The following ABCG1 variants were observed in gnomAD, a reference collection of about 807,000 sequenced individuals.
ABCG1 encodes the protein ATP binding cassette subfamily G member 1.
ABCG1 carries 29 observed loss-of-function variants against 69.2 expected under a neutral mutation model. The ratio of observed to expected loss-of-function variants is 0.42; its 90% CI spans 0.31 to 0.57. The LOEUF (loss-of-function observed/expected upper bound fraction) is 0.57. Among genes scored for constraint, ABCG1 ranks in the 20% least tolerant of loss-of-function variants. The pLI is 0.15. For missense variants in ABCG1, 718 were observed against 898.1 expected, an observed-to-expected ratio of 0.80 and a Z score of 2.56; for synonymous variants, 370 against 374.8, an observed-to-expected ratio of 0.99 and a Z score of 0.15.
At chr21:42,226,276 C>T (rs920663241) in intron 2 of ABCG1, among the ~76,000 whole-genome samples, 2 of 152,074 alleles carry the variant, frequency 1.3e-5, no homozygotes, top group Non-Finnish European at 1.5e-5. Context: ...GTTTTTCAAC[C>T]GCCCAGAGCA....
chr21:42,267,975 T>G (rs1051070266), intron 2 of ABCG1, among the ~76,000 whole-genome samples: 1 of 152,146 alleles, frequency 6.6e-6, no homozygotes, highest in East Asian at 1.9e-4. Context: ...TGTTCTAGTC[T>G]GCGGCTCTGG....
At chr21:42,283,742 C>G (rs1346859779) in intron 6 of ABCG1, among the ~76,000 whole-genome samples, 1 of 88,858 alleles carries the variant, frequency 1.1e-5, no homozygotes, top group Non-Finnish European at 2.3e-5. Context: ...AGTGGGGACC[C>G]CCCACCTCTG....
At chr21:42,278,357 G>A (rs772594919) in intron 5 of ABCG1, among the ~76,000 whole-genome samples, 17 of 152,180 alleles carry the variant, frequency 1.1e-4, no homozygotes, top group African/African-American at 1.9e-4. Context: ...GAAGATGAGT[G>A]TTATGGCCTG....
chr21:42,234,503 G>A (rs1487544006), intron 2 of ABCG1, among the ~76,000 whole-genome samples: 1 of 152,136 alleles, frequency 6.6e-6, no homozygotes, highest in Non-Finnish European at 1.5e-5. Context: ...ACCTGGCTGG[G>A]GGCTGCACTG....
At chr21:42,201,585 C>A in exon 2 of ABCG1, 1 of 1,542,136 alleles carries the variant, frequency 6.5e-7, no homozygotes, top group Non-Finnish European at 8.8e-7. Context: ...AGCGCTACAC[C>A]AACCTGAACT....
At chr21:42,201,717 C>T (rs1338880680) in exon 2 of ABCG1, 1 of 1,613,962 alleles carries the variant, frequency 6.2e-7, no homozygotes, top group Non-Finnish European at 8.5e-7. Context: ...GAAAGCCCTG[C>T]CCTCAGGTGT....
intron 2 of ABCG1, among the ~76,000 whole-genome samples, chr21:42,239,426 T>C (rs1213032054): frequency 6.6e-6 from 1 of 152,256 alleles, no homozygotes; most frequent in African/African-American, 2.4e-5. Flanking sequence ...ATTCTAAATG[T>C]GAAGTGTGGC....
chr21:42,240,823 G>A (rs190858167), intron 2 of ABCG1, among the ~76,000 whole-genome samples: 1 of 152,394 alleles, frequency 6.6e-6, no homozygotes, highest in Non-Finnish European at 1.5e-5. Context: ...TAATGGTGGA[G>A]GCTGCCAGCC....
At chr21:42,235,822 C>T (rs903256568) in intron 2 of ABCG1, among the ~76,000 whole-genome samples, 2 of 152,164 alleles carry the variant, frequency 1.3e-5, no homozygotes, top group African/African-American at 4.8e-5. Context: ...TAAGGCATGT[C>T]AGACGGACCG....
Position 42,226,302 on chromosome 21 carries a change from GC to G in ABCG1, c.286+394del, listed in dbSNP as rs145974388. The stretch of plus-strand genomic sequence containing the variant: ...GCCCAGAGCAAAATGGGGGACAGGT[GC>G]CCCCCTCCCAAGCGTGAAGTGTTAA... On this transcript the variant is annotated intron_variant, in intron 2 of 14. Transcript: ENST00000398449. Among the ~76,000 whole-genome samples, 17 of 152,258 alleles carry G rather than the reference GC, an allele frequency of 1.1e-4. No homozygotes were observed. In the East Asian group the frequency reaches 3.1e-3, roughly 28 times the overall value.
intron 2 of ABCG1, among the ~76,000 whole-genome samples, chr21:42,268,461 C>T (rs2068557957): frequency 6.6e-6 from 1 of 152,056 alleles, no homozygotes. Context: ...CTGGGCCCCT[C>T]AGCCCAGGAC....
At chr21:42,204,908 TTC>T (rs2067531800) in intron 2 of ABCG1, among the ~76,000 whole-genome samples, 1 of 152,238 alleles carries the variant, frequency 6.6e-6, no homozygotes, top group Non-Finnish European at 1.5e-5. Flanking sequence ...TTTCTTCCTC[TTC>T]TGTTTTCTGG....
chr21:42,224,511 C>A (rs2067783011), intron 1 of ABCG1, among the ~76,000 whole-genome samples: 1 of 152,236 alleles, frequency 6.6e-6, no homozygotes, highest in Non-Finnish European at 1.5e-5. Flanking sequence ...AGACACCCCA[C>A]ATGCCCGGGA....
At position 42,297,025 on chromosome 21, in the gene ABCG1, C is replaced by T. The variant is rs566274252; in HGVS notation, c.*633C>T. 1.2e-4 allele frequency: 18 copies of T among 155,554 alleles called. No homozygotes were observed. The highest frequency in any genetic ancestry group is 3.6e-4 in the African/African-American group (15 of 41,520). The allele number at this position is 155,554 out of a possible 1,614,324, so 9.6% of individuals were successfully genotyped here. ...TGTTTAGAGAGGCGAGGGGTTTAAC[C>T]GAGTCACCCAGCTGGTCTCATACAT... On this transcript the variant is annotated 3_prime_UTR_variant, in exon 15 of 15. Transcript: ENST00000398449.
Position 42,271,130 on chromosome 21 carries a change from T to C in ABCG1, c.347T>C (p.Ile116Thr). The C allele has an allele frequency of 6.3e-7, 1 of 1,584,902 alleles. No individual in the cohort carries two copies. Among genetic ancestry groups the C allele is most frequent in the Non-Finnish European group, 8.6e-7 (1 of 1,167,644 alleles). ...GKFNSGELVA[I>T]MGPSGAGKST... ...TTCAATAGTGGTGAGTTGGTGGCCATTATGGGTCCTTCCGGGGCCGGGAAG... is the reference window on the plus strand; with the variant it reads ...TTCAATAGTGGTGAGTTGGTGGCCACTATGGGTCCTTCCGGGGCCGGGAAG... The change falls in exon 3 of 15, where the codon ATT becomes ACT. Residue 116 changes from isoleucine to threonine, a missense_variant. This residue lies in a region of ABCG1 where 514 missense variants were observed against 574.3 expected (regional missense o/e 0.90). Coordinates refer to ENST00000398449, the MANE Select transcript of ABCG1 (RefSeq NM_016818.3).
intron 1 of ABCG1, among the ~76,000 whole-genome samples, chr21:42,200,596 C>CTT (rs200131320): frequency 1.4e-4 from 19 of 138,690 alleles, no homozygotes; most frequent in South Asian, 2.3e-4. Context: ...TTATGTTGCA[C>CTT]TTTTTTTTTT....
In ABCG1 at chr21:42,219,887, CGG is replaced by C; in HGVS notation, c.42+586_42+587del. On this transcript the variant is annotated intron_variant, in intron 1 of 14. Transcript: ENST00000398449. This position sits in a 1 kb window ranked among gnomAD's most constrained non-coding sequence, Gnocchi z 5.3. ...ACTCGGGGAGGCGGCGGCGAAGGCC[CGG>C]GGAGACCCGCGAGGGGCAAGCCCGG... The C allele has an allele frequency of 6.5e-7, 1 of 1,544,418 alleles. No individual in the cohort carries two copies. Among genetic ancestry groups the C allele is most frequent in the Non-Finnish European group, 8.7e-7 (1 of 1,145,316 alleles).
At chr21:42,250,585 C>T (rs774846875) in intron 2 of ABCG1, among the ~76,000 whole-genome samples, 2 of 152,232 alleles carry the variant, frequency 1.3e-5, no homozygotes, top group African/African-American at 4.8e-5. Flanking sequence ...CATGAGCCTC[C>T]CTGCAGGCCT....
intron 2 of ABCG1, among the ~76,000 whole-genome samples, chr21:42,226,615 G>A (rs536875080): frequency 1.6e-4 from 24 of 152,182 alleles, no homozygotes; most frequent in Non-Finnish European, 2.8e-4. Flanking sequence ...AGTTAATGCC[G>A]CCCTGGGTTG....
Sources: gnomAD v4.1 joint callset for allele counts (sites outside exome capture counted in the v4.1 genomes callset) on GRCh38, gnomAD v4.1.1 for gene constraint, gnomAD v4.1.1 regional missense constraint, Gnocchi (gnomAD v3.1) non-coding constraint, MANE v1.5 for transcripts, NCBI Gene and HGNC (gene_info 2026-07-23, HGNC 2026-07-21) for gene names.